FAM50B: variants seen among roughly 807,000 people sequenced by gnomAD.
FAM50B encodes the protein family with sequence similarity 50 member B, also known as protein FAM50B.
Under a neutral mutation model 25.4 loss-of-function variants are expected in FAM50B, and 9 were observed. The ratio of observed to expected loss-of-function variants is 0.35; its 90% CI spans 0.21 to 0.62. The LOEUF is 0.62. Ranked by LOEUF, FAM50B falls within the 20% of genes least tolerant of loss-of-function variation. FAM50B has a pLI of 0.73. For synonymous variants in FAM50B, 212 were observed against 204.3 expected (o/e 1.04, Z -0.32); for missense variants, 372 against 477.9 (o/e 0.78, Z 2.07).
At chr6:3,844,913 T>C (rs1762104493), upstream of FAM50B, among the ~76,000 whole-genome samples, 1 of 152,228 alleles carries the variant, frequency 6.6e-6, no homozygotes, top group Non-Finnish European at 1.5e-5. Flanking sequence ...TTTCAAACTT[T>C]TCTGTAATAT....
the FAM50B span, among the ~76,000 whole-genome samples, chr6:3,832,759 A>G: frequency 2.1e-3 from 323 of 152,334 alleles, no homozygotes; most frequent in Non-Finnish European, 3.4e-3. Flanking sequence ...TGGTGCCACC[A>G]TAGTGGAACC....
At chr6:3,849,620 A>C in intron 1 of FAM50B, 134 bp downstream of exon 1, 1 of 999,368 alleles carries the variant, frequency 1.0e-6, no homozygotes, top group Non-Finnish European at 1.4e-6. Flanking sequence ...AAAATGCTGG[A>C]AATTGGTGCC....
In FAM50B at chr6:3,850,015, G is replaced by T; in HGVS notation, c.204G>T (p.Val68=). The part of the protein sequence containing the change: ...AELKSSTVGL[V]TLNDMKARQE... ...TGAAGTCCAGCACGGTGGGCCTGGTGACCCTGAACGACATGAAGGCCCGGC... is the reference window on the plus strand; with the variant it reads ...TGAAGTCCAGCACGGTGGGCCTGGTTACCCTGAACGACATGAAGGCCCGGC... Residue 68 remains valine, a synonymous_variant, in exon 2 of 2, where the codon GTG becomes GTT. Transcript: ENST00000648326. The T allele has an allele frequency of 6.2e-7, 1 of 1,613,656 alleles. No individual in the cohort carries two copies. Among genetic ancestry groups the T allele is most frequent in the East Asian group, 2.2e-5 (1 of 44,866 alleles).
the FAM50B span, among the ~76,000 whole-genome samples, chr6:3,839,786 A>G: frequency 6.6e-6 from 1 of 152,214 alleles, no homozygotes; most frequent in South Asian, 2.1e-4. Context: ...AATATCAACC[A>G]AGACACTGGG....
the FAM50B span, among the ~76,000 whole-genome samples, chr6:3,836,008 T>C: frequency 1.3e-5 from 2 of 152,224 alleles, no homozygotes; most frequent in African/African-American, 2.4e-5. Context: ...TTTACTGTAA[T>C]GCCTAGTGTT....
upstream of FAM50B, among the ~76,000 whole-genome samples, chr6:3,847,942 G>A (rs1326534121): frequency 6.6e-6 from 1 of 152,236 alleles, no homozygotes; most frequent in Non-Finnish European, 1.5e-5. Context: ...AGTCAGTGGA[G>A]CAGTCAGAAC....
the FAM50B span, among the ~76,000 whole-genome samples, chr6:3,840,347 C>G: frequency 2.0e-5 from 3 of 151,964 alleles, no homozygotes; most frequent in Non-Finnish European, 4.4e-5. Context: ...GTGGGGGGTG[C>G]CTGTAATCCC....
chr6:3,849,845 G>C lies in FAM50B; in HGVS notation c.34G>C (p.Gly12Arg), dbSNP rs747619014. ...GTACAAGGGCACCATGCGCGAGGCA[G>C]GCCGTGCCATGCACCTCCTCAAGAA... ...AQYKGTMREA[G>R]RAMHLLKKRE... The change falls in exon 2 of 2, where the codon GGC (glycine) becomes CGC (arginine). Residue 12 changes from glycine (G) to arginine (R), a missense_variant. Transcript: ENST00000648326. 1 of 1,612,644 alleles carries C rather than the reference G, an allele frequency of 6.2e-7. No individual in the cohort carries two copies. Among genetic ancestry groups the C allele is most frequent in the Non-Finnish European group, 8.5e-7 (1 of 1,179,624 alleles).
chr6:3,846,044 C>A (rs373769589), upstream of FAM50B, among the ~76,000 whole-genome samples: 1 of 152,054 alleles, frequency 6.6e-6, no homozygotes, highest in Non-Finnish European at 1.5e-5. Flanking sequence ...TCTATTCAGG[C>A]GCAGTGAAAA....
chr6:3,841,608 C>A, the FAM50B span, among the ~76,000 whole-genome samples: 1 of 152,228 alleles, frequency 6.6e-6, no homozygotes, highest in African/African-American at 2.4e-5. Flanking sequence ...TAACAGCCAG[C>A]ACCTCTCTGA....
rs1435667204 is a variant in FAM50B at position 3,850,289 on chromosome 6, G to A, written c.478G>A (p.Glu160Lys). The change falls in exon 2 of 2, where the codon GAG becomes AAG. Residue 160 changes from glutamate to lysine, a missense_variant. Physicochemically the swap from Glu to Lys is moderately conservative, Grantham distance 56. Transcript: ENST00000648326. ...CTTCCTGCCAGACCGCGACCGCGAG[G>A]AGGAGGAGAACCGGCTCCGAGAGGA... is the stretch of plus-strand genomic sequence containing the variant. ...TSFLPDRDRE[E>K]EENRLREELR... 1 of 1,613,282 alleles carries A rather than the reference G, an allele frequency of 6.2e-7. No individual in the cohort carries two copies. The highest frequency in any genetic ancestry group is 8.5e-7 in the Non-Finnish European group (1 of 1,179,780).
At chr6:3,835,250 G>A in the FAM50B span, among the ~76,000 whole-genome samples, 1 of 152,170 alleles carries the variant, frequency 6.6e-6, no homozygotes, top group Non-Finnish European at 1.5e-5. Context: ...GAGCTCCAGG[G>A]GAGCATAAGG....
Position 3,850,159 on chromosome 6 carries a change from G to C in FAM50B, c.348G>C (p.Lys116Asn), listed in dbSNP as rs376467863. ...AGCAGCGGCGCGAGCGCAAGCGTAA[G>C]ATCTCCTGCCTGTCCTTTGCACTAG... ...EQEQRRERKR[K>N]ISCLSFALDD... Residue 116 changes from lysine (K) to asparagine (N), a missense_variant, in exon 2 of 2, where the codon AAG becomes AAC. By Grantham distance (94) the Lys-to-Asn change is moderately conservative (BLOSUM62 0). Coordinates refer to ENST00000648326, the MANE Select transcript of FAM50B (RefSeq NM_012135.3). The C allele has an allele frequency of 1.9e-4, 310 of 1,612,964 alleles. 1 individual carries two copies. The highest frequency in any genetic ancestry group is 2.5e-4 in the Non-Finnish European group (292 of 1,179,828).
the FAM50B span, among the ~76,000 whole-genome samples, chr6:3,835,884 G>C: frequency 6.6e-6 from 1 of 152,146 alleles, no homozygotes; most frequent in South Asian, 2.1e-4. Context: ...CCATGTCTTT[G>C]GGTGCCGCAT....
chr6:3,845,104 A>C (rs1561773355), upstream of FAM50B, among the ~76,000 whole-genome samples: 1 of 152,254 alleles, frequency 6.6e-6, no homozygotes, highest in Non-Finnish European at 1.5e-5. Context: ...AAGAGCTTAA[A>C]GCAGTAGCTT....
chr6:3,839,066 C>T, the FAM50B span, among the ~76,000 whole-genome samples: 5 of 151,472 alleles, frequency 3.3e-5, no homozygotes, highest in South Asian at 2.1e-4. Context: ...TACCTGAGAT[C>T]GGGTGATTTA....
At chr6:3,848,455 C>T (rs79123507), upstream of FAM50B, among the ~76,000 whole-genome samples, 1,519 of 152,280 alleles carry the variant, frequency 1.0e-2, 28 homozygotes, top group African/African-American at 0.034. Context: ...TGAGGGCTCA[C>T]ACCGTGCTGT....
Position 3,849,911 on chromosome 6 carries a change from C to T in FAM50B, c.100C>T (p.Arg34Cys), listed in dbSNP as rs1219782790. 6.2e-7 allele frequency: 1 copy of T among 1,613,526 alleles called. No homozygotes were observed. Among genetic ancestry groups the T allele is most frequent in the Admixed American group, 1.7e-5 (1 of 60,004 alleles). The change falls in exon 2 of 2, where the codon CGC becomes TGC. Residue 34 changes from arginine (R) to cysteine (C), a missense_variant. Transcript: ENST00000648326. Reference protein sequence around the residue: ...QREQMEVLKQRIAEETILKSQ... With the variant: ...QREQMEVLKQCIAEETILKSQ... ...GGAGCAGATGGAGGTGCTGAAGCAG[C>T]GCATCGCCGAGGAGACCATCCTCAA...
At chr6:3,839,983 G>GT in the FAM50B span, among the ~76,000 whole-genome samples, 2 of 118,066 alleles carry the variant, frequency 1.7e-5, no homozygotes, top group Admixed American at 1.5e-4. Context: ...TGTTGTTGTT[G>GT]TTGTTGTTTG....
Sources: gnomAD v4.1 joint callset for allele counts (sites outside exome capture counted in the v4.1 genomes callset) on GRCh38, gnomAD v4.1.1 for gene constraint, MANE v1.5 for transcripts, NCBI Gene and HGNC (gene_info 2026-07-23, HGNC 2026-07-21) for gene names.